MEI4: variants seen among roughly 807,000 people sequenced by gnomAD.
MEI4 encodes meiotic double-stranded break formation protein 4.
Under a neutral mutation model 31.4 loss-of-function variants are expected in MEI4, and 27 were observed. That is an observed-to-expected ratio of 0.86 (90% CI 0.63 to 1.19). The LOEUF (loss-of-function observed/expected upper bound fraction) is 1.19. MEI4 is among the 50% of genes most tolerant of loss of function. The probability of loss-of-function intolerance (pLI) is 0.00; values close to 1 mark genes in which losing one functional copy is unlikely to be tolerated. For missense variants in MEI4, 329 were observed against 398.9 expected (o/e 0.82, Z 1.49); for synonymous variants, 122 against 145.4 (o/e 0.84, Z 1.16).
chr6:77,922,308 C>A (rs1034139057), intron 4 of MEI4, among the ~76,000 whole-genome samples: 1 of 151,598 alleles, frequency 6.6e-6, no homozygotes, highest in Non-Finnish European at 1.5e-5. Flanking sequence ...AAAAAAAGTT[C>A]TGTGGATTTG....
At chr6:77,878,199 A>C (rs1464756026) in intron 4 of MEI4, among the ~76,000 whole-genome samples, 1 of 149,422 alleles carries the variant, frequency 6.7e-6, no homozygotes, top group Non-Finnish European at 1.5e-5. Flanking sequence ...GGATCAGATA[A>C]AATAAGTAAT....
At chr6:77,702,635 G>A (rs1766249665) in intron 2 of MEI4, among the ~76,000 whole-genome samples, 1 of 152,000 alleles carries the variant, frequency 6.6e-6, no homozygotes, top group African/African-American at 2.4e-5. Context: ...TGTAGCCTTT[G>A]CCCCTTTCTA....
intron 4 of MEI4, among the ~76,000 whole-genome samples, chr6:77,885,130 C>G (rs1435269288): frequency 6.7e-6 from 1 of 148,820 alleles, no homozygotes; most frequent in African/African-American, 2.5e-5. Flanking sequence ...GGATTGCATT[C>G]TTGATTTCTT....
In MEI4 at chr6:77,766,566, AC is replaced by A. The variant is rs1768180024; in HGVS notation, c.768+4903del. On this transcript the variant is annotated intron_variant, in intron 3 of 4. Transcript: ENST00000684080. ...GTAGCTGGGACTACAGGTGCCTGCC[AC>A]CACACCCGGCTAATTTTTTTGTATT... 2.6e-5 allele frequency among the ~76,000 whole-genome samples: 4 copies of A among 152,104 alleles called. No homozygotes were observed. In the South Asian group the frequency reaches 8.3e-4, roughly 32 times the overall value.
At chr6:77,750,638 C>T (rs1317334707) in intron 2 of MEI4, among the ~76,000 whole-genome samples, 2 of 152,142 alleles carry the variant, frequency 1.3e-5, no homozygotes, top group East Asian at 3.9e-4. Context: ...TAGCGACCTA[C>T]AAAGAGACTT....
chr6:77,650,991 G>C (rs1321538813), upstream of MEI4, among the ~76,000 whole-genome samples: 3 of 152,220 alleles, frequency 2.0e-5, no homozygotes, highest in Non-Finnish European at 4.4e-5. Context: ...GTGAAGTGCT[G>C]TAGGTGTCAA....
At chr6:77,869,614 CTG>C (rs1771145409) in intron 4 of MEI4, among the ~76,000 whole-genome samples, 1 of 152,064 alleles carries the variant, frequency 6.6e-6, no homozygotes, top group South Asian at 2.1e-4. Context: ...GTCTCTAGAA[CTG>C]TGAGAAAATA....
intron 3 of MEI4, among the ~76,000 whole-genome samples, chr6:77,784,704 G>A (rs1768686327): frequency 6.6e-6 from 1 of 152,144 alleles, no homozygotes; most frequent in African/African-American, 2.4e-5. Flanking sequence ...ATGACTGGAT[G>A]CTGAGCAGTG....
chr6:77,819,543 A>G (rs953369262), intron 3 of MEI4, among the ~76,000 whole-genome samples: 2 of 152,176 alleles, frequency 1.3e-5, no homozygotes, highest in Non-Finnish European at 2.9e-5. Context: ...TATAACTAAC[A>G]TCCCTAAGTG....
intron 2 of MEI4, among the ~76,000 whole-genome samples, chr6:77,726,072 C>T (rs111409388): frequency 0.013 from 1,337 of 101,050 alleles, 32 homozygotes; most frequent in East Asian, 0.071. Context: ...GAGGTCCCTG[C>T]GGCCTTCCGC....
chr6:77,750,396 C>T (rs6930786), intron 2 of MEI4, among the ~76,000 whole-genome samples: 3,453 of 152,224 alleles, frequency 0.023, 134 homozygotes, highest in African/African-American at 0.078. Context: ...CAAAGACACA[C>T]ATAGGCTCAA....
chr6:77,898,452 A>G (rs2127734372), intron 4 of MEI4, among the ~76,000 whole-genome samples: 1 of 152,128 alleles, frequency 6.6e-6, no homozygotes, highest in Non-Finnish European at 1.5e-5. Context: ...AACTGACCAA[A>G]TGGTATATTA....
chr6:77,895,082 A>G (rs1766052918), intron 4 of MEI4, among the ~76,000 whole-genome samples: 1 of 152,188 alleles, frequency 6.6e-6, no homozygotes, highest in Non-Finnish European at 1.5e-5. Flanking sequence ...CTAGCCTAAC[A>G]CAGTGAAATA....
At chr6:77,695,780 G>T (rs1490233235) in intron 2 of MEI4, among the ~76,000 whole-genome samples, 1 of 152,152 alleles carries the variant, frequency 6.6e-6, no homozygotes, top group African/African-American at 2.4e-5. Context: ...CTTGAAAGTA[G>T]TTTTTTCCAA....
In MEI4 at chr6:77,721,276, TGTTCCTTGGTTAAAG is replaced by T. The variant is rs928313925; in HGVS notation, c.232+30375_232+30389del. Among the ~76,000 whole-genome samples, 5 of 140,062 alleles carry T rather than the reference TGTTCCTTGGTTAAAG, an allele frequency of 3.6e-5. 2 individuals are homozygous for T. The highest frequency in any genetic ancestry group is 7.8e-5 in the Non-Finnish European group (5 of 63,986). The allele number at this position is 140,062 out of a possible 152,430, so 91.9% of individuals were successfully genotyped here. ...AGAATTGATAAAGGCTTGTCTAACT[TGTTCCTTGGTTAAAG>T]GGACAACTATTTTGTCTGGGTCATT... is the stretch of plus-strand genomic sequence containing the variant. On this transcript the variant is annotated intron_variant, in intron 2 of 4. Transcript: ENST00000684080.
intron 2 of MEI4, among the ~76,000 whole-genome samples, chr6:77,712,848 G>A (rs1465290661): frequency 6.6e-6 from 1 of 151,990 alleles, no homozygotes; most frequent in East Asian, 1.9e-4. Context: ...GTGGGCGCCT[G>A]TAGTCCCAGC....
intron 2 of MEI4, among the ~76,000 whole-genome samples, chr6:77,747,063 G>A (rs1767628917): frequency 6.6e-6 from 1 of 152,116 alleles, no homozygotes; most frequent in Non-Finnish European, 1.5e-5. Context: ...TGTAATCCCA[G>A]TACTTTGGGA....
intron 2 of MEI4, among the ~76,000 whole-genome samples, chr6:77,740,167 G>A (rs1055833989): frequency 2.0e-5 from 3 of 152,148 alleles, no homozygotes; most frequent in African/African-American, 4.8e-5. Context: ...CTGAGAGAAT[G>A]GCTGTTATGA....
At chr6:77,817,756 C>G (rs924359776) in intron 3 of MEI4, among the ~76,000 whole-genome samples, 1 of 151,708 alleles carries the variant, frequency 6.6e-6, no homozygotes, top group Non-Finnish European at 1.5e-5. Context: ...CTTTTCTATA[C>G]TCTTTCTTTT....
Sources: gnomAD v4.1 joint callset for allele counts (sites outside exome capture counted in the v4.1 genomes callset) on GRCh38, gnomAD v4.1.1 for gene constraint, MANE v1.5 for transcripts, NCBI Gene and HGNC (gene_info 2026-07-23, HGNC 2026-07-21) for gene names.